The following TMEM178B variants were observed in gnomAD, a reference collection of about 807,000 sequenced individuals.
TMEM178B encodes transmembrane protein 178B.
Under a neutral mutation model 31.0 loss-of-function variants are expected in TMEM178B, and 5 were observed. That is an observed-to-expected ratio of 0.16 (90% CI 0.08 to 0.34). TMEM178B has a LOEUF of 0.34. TMEM178B is among the 10% of genes least tolerant of loss of function. The pLI is 1.00. For missense variants in TMEM178B, 275 were observed against 400.3 expected, an observed-to-expected ratio of 0.69 and a Z score of 2.67; for synonymous variants, 164 against 164.0, an observed-to-expected ratio of 1.00 and a Z score of 0.00.
intron 2 of TMEM178B, among the ~76,000 whole-genome samples, chr7:141,247,132 TAG>T (rs1167153523): frequency 1.3e-5 from 2 of 152,002 alleles, no homozygotes; most frequent in African/African-American, 2.4e-5. Flanking sequence ...TATGTATATA[TAG>T]AGAGAGAACT....
chr7:141,324,434 T>TG (rs1563151692), intron 2 of TMEM178B, among the ~76,000 whole-genome samples: 4 of 122,452 alleles, frequency 3.3e-5, no homozygotes, highest in Non-Finnish European at 5.4e-5. Flanking sequence ...TTTTTTTTTT[T>TG]TTTTTTTTTT....
intron 1 of TMEM178B, among the ~76,000 whole-genome samples, chr7:141,158,393 GC>G (rs1169543006): frequency 6.6e-6 from 1 of 152,158 alleles, no homozygotes; most frequent in Middle Eastern, 3.2e-3. Flanking sequence ...ACCATGCTTG[GC>G]CCCTCAGGTT....
chr7:141,267,374 G>C lies in TMEM178B; in HGVS notation c.496+54670G>C, dbSNP rs368948954. Among the ~76,000 whole-genome samples the C allele has an allele frequency of 6.7e-4, 102 of 152,344 alleles. No homozygotes were observed. The South Asian group carries it at 0.019, about 28-fold the overall frequency. ...GTTTTTTTAGAGAGAACTGAAAAGA[G>C]AGGACATTGCCTAATTTAAAACAAG... On this transcript the variant is annotated intron_variant, in intron 2 of 3. Coordinates refer to ENST00000565468, the MANE Select transcript of TMEM178B (RefSeq NM_001195278.2).
chr7:141,257,127 A>C (rs1797940787), intron 2 of TMEM178B, among the ~76,000 whole-genome samples: 3 of 152,240 alleles, frequency 2.0e-5, no homozygotes, highest in Admixed American at 2.0e-4. Context: ...ATGTCCAGTG[A>C]TGTGGAAGGA....
rs529373926 is a variant in TMEM178B at position 141,254,616 on chromosome 7, G to C, written c.496+41912G>C. 1.9e-4 allele frequency among the ~76,000 whole-genome samples: 29 copies of C among 152,292 alleles called. No individual in the cohort carries two copies. In the East Asian group the frequency reaches 5.4e-3, roughly 28 times the overall value. The stretch of plus-strand genomic sequence containing the variant: ...ACCTGTAATCCCAGCTACTCAGGAG[G>C]CTGAGGCAGGAGAATGGCTTGAACC... On this transcript the variant is annotated intron_variant, in intron 2 of 3. Transcript: ENST00000565468.
chr7:141,509,615 A>C, the TMEM178B span, among the ~76,000 whole-genome samples: 1 of 152,148 alleles, frequency 6.6e-6, no homozygotes, highest in Non-Finnish European at 1.5e-5. Context: ...GTACCACTGC[A>C]CTCCAGCCTG....
At chr7:141,230,227 G>C (rs988909022) in intron 2 of TMEM178B, among the ~76,000 whole-genome samples, 2 of 152,108 alleles carry the variant, frequency 1.3e-5, no homozygotes, top group African/African-American at 4.8e-5. Context: ...TAAATGCCCA[G>C]AATTGGAACT....
At chr7:141,240,940 G>T (rs1481841758) in intron 2 of TMEM178B, among the ~76,000 whole-genome samples, 1 of 151,838 alleles carries the variant, frequency 6.6e-6, no homozygotes, top group East Asian at 1.9e-4. Context: ...CTGGTGGGAA[G>T]CCCCCATGAG....
At chr7:141,385,245 G>A (rs927506063) in intron 2 of TMEM178B, among the ~76,000 whole-genome samples, 39 of 152,260 alleles carry the variant, frequency 2.6e-4, no homozygotes, top group African/African-American at 9.4e-4. Context: ...TTCAGTAGCT[G>A]CAATGTGTCC....
intron 2 of TMEM178B, among the ~76,000 whole-genome samples, chr7:141,255,471 A>G (rs1586853144): frequency 1.3e-5 from 2 of 152,352 alleles, no homozygotes; most frequent in East Asian, 3.9e-4. Context: ...ACAATGGAAC[A>G]CAACATTGGA....
At chr7:141,510,415 G>A in the TMEM178B span, among the ~76,000 whole-genome samples, 2 of 152,132 alleles carry the variant, frequency 1.3e-5, no homozygotes, top group African/African-American at 2.4e-5. Flanking sequence ...GCCGGGCGCG[G>A]TGGCTCATGC....
At chr7:141,417,334 G>A (rs944733461) in intron 2 of TMEM178B, among the ~76,000 whole-genome samples, 5 of 152,212 alleles carry the variant, frequency 3.3e-5, no homozygotes, top group African/African-American at 1.2e-4. Flanking sequence ...AGATGTGGGA[G>A]AACAGTAGGA....
chr7:141,377,159 G>T (rs980097184), intron 2 of TMEM178B, among the ~76,000 whole-genome samples: 4 of 145,260 alleles, frequency 2.8e-5, no homozygotes, highest in African/African-American at 1.0e-4. Context: ...GGCTACTTCT[G>T]TATTTATTTA....
intron 2 of TMEM178B, among the ~76,000 whole-genome samples, chr7:141,235,815 G>A (rs960094946): frequency 8.5e-5 from 13 of 152,272 alleles, no homozygotes; most frequent in Admixed American, 6.5e-4. Flanking sequence ...CCAGGGCCTC[G>A]GATACAGTGA....
At chr7:141,169,994 A>G (rs971124393) in intron 1 of TMEM178B, among the ~76,000 whole-genome samples, 2 of 152,198 alleles carry the variant, frequency 1.3e-5, no homozygotes, top group Admixed American at 6.5e-5. Context: ...ATTTTTCCAT[A>G]TTGCTACATA....
intron 3 of TMEM178B, among the ~76,000 whole-genome samples, chr7:141,454,511 A>G (rs1801925076): frequency 6.6e-6 from 1 of 151,774 alleles, no homozygotes; most frequent in Non-Finnish European, 1.5e-5. Context: ...TCAGGAGGCC[A>G]CTTTGGGGAC....
At chr7:141,256,776 G>A (rs1024640885) in intron 2 of TMEM178B, among the ~76,000 whole-genome samples, 4 of 152,184 alleles carry the variant, frequency 2.6e-5, no homozygotes, top group Admixed American at 2.6e-4. Context: ...CCAGGTAGTA[G>A]TGGAGGTGAA....
At chr7:141,252,329 C>T (rs1586851422) in intron 2 of TMEM178B, among the ~76,000 whole-genome samples, 1 of 152,180 alleles carries the variant, frequency 6.6e-6, no homozygotes, top group East Asian at 1.9e-4. Context: ...GGTCTGAGCC[C>T]TCTGTCCTGC....
At chr7:141,390,137 G>A (rs537927985) in intron 2 of TMEM178B, among the ~76,000 whole-genome samples, 1 of 152,168 alleles carries the variant, frequency 6.6e-6, no homozygotes, top group South Asian at 2.1e-4. Flanking sequence ...AAGAAAGAGA[G>A]GGAATTATTT....
Sources: allele counts gnomAD v4.1 joint callset (sites outside exome capture counted in the v4.1 genomes callset), GRCh38; gene constraint gnomAD v4.1.1; transcripts MANE v1.5; gene names NCBI Gene and HGNC (gene_info 2026-07-23, HGNC 2026-07-21).